STXBP5: variants seen among roughly 807,000 people sequenced by gnomAD.
STXBP5 encodes the protein syntaxin-binding protein 5.
STXBP5 carries 50 observed loss-of-function variants against 152.4 expected under a neutral mutation model. That is an observed-to-expected ratio of 0.33 (90% CI 0.26 to 0.42). The LOEUF is 0.42. Ranked by LOEUF, STXBP5 falls within the 10% of genes least tolerant of loss-of-function variation. The pLI, the probability that STXBP5 is intolerant of heterozygous loss-of-function variation, is 1.00. For synonymous variants in STXBP5, 492 were observed against 494.7 expected (o/e 0.99, Z 0.07); for missense variants, 1,167 against 1,388.6 (o/e 0.84, Z 2.54).
chr6:147,234,448 T>C (rs1462125818), intron 2 of STXBP5, among the ~76,000 whole-genome samples: 1 of 151,568 alleles, frequency 6.6e-6, no homozygotes, highest in Non-Finnish European at 1.5e-5. Flanking sequence ...AAAGCTTATT[T>C]ATATTCTATT....
Position 147,204,485 on chromosome 6 carries a change from A to G in STXBP5, c.-48A>G. Reference sequence around the variant, plus strand: ...CCCGGGTGGTCTCCCCCGCCCGGGGACCCCCTGTGCCTCCCCTCCCGGGCT... The same window carrying G: ...CCCGGGTGGTCTCCCCCGCCCGGGGGCCCCCTGTGCCTCCCCTCCCGGGCT... On this transcript the variant is annotated 5_prime_UTR_variant, in exon 1 of 28. Transcript: ENST00000321680. This position sits in a 1 kb window ranked among gnomAD's most constrained non-coding sequence, Gnocchi z 4.3. The G allele has an allele frequency of 6.3e-7, 1 of 1,593,688 alleles. No homozygotes were observed. Among genetic ancestry groups the G allele is most frequent in the East Asian group, 2.3e-5 (1 of 43,636 alleles).
intron 19 of STXBP5, among the ~76,000 whole-genome samples, chr6:147,338,104 A>G (rs951020143): frequency 6.6e-6 from 1 of 152,142 alleles, no homozygotes; most frequent in Non-Finnish European, 1.5e-5. Context: ...ACTTCCAATT[A>G]CATCGTAGGT....
intron 26 of STXBP5, among the ~76,000 whole-genome samples, chr6:147,377,456 T>G (rs556814327): frequency 6.6e-6 from 1 of 152,122 alleles, no homozygotes; most frequent in Non-Finnish European, 1.5e-5. Flanking sequence ...ATTGAAAAAT[T>G]AACAGAGCTG....
intron 21 of STXBP5, among the ~76,000 whole-genome samples, chr6:147,350,517 A>G (rs1230840578): frequency 1.3e-5 from 2 of 152,166 alleles, no homozygotes; most frequent in Non-Finnish European, 2.9e-5. Context: ...CTTATAAATC[A>G]CTGAAGTTAT....
chr6:147,339,251 G>C lies in STXBP5; in HGVS notation c.2206+13G>C, dbSNP rs149323956. 1,208 of 1,521,038 alleles carry C rather than the reference G, an allele frequency of 7.9e-4. 14 individuals are homozygous for C. In the African/African-American group the frequency reaches 0.015, roughly 19 times the overall value. The allele number at this position is 1,521,038 out of a possible 1,614,324, so 94.2% of individuals were successfully genotyped here. A position where few individuals can be genotyped will look rare whatever the true frequency, so the allele number is the denominator to read the frequency against. ...TTTATAGAAAAGGGTATAGTATCTT[G>C]ATTTTAAAGTATTTTCTTTTATGTT... On this transcript the variant is annotated intron_variant, in intron 20 of 27. Coordinates refer to ENST00000321680, the MANE Select transcript of STXBP5 (RefSeq NM_001127715.4).
chr6:147,248,983 A>G lies in STXBP5; in HGVS notation c.431+9713A>G, dbSNP rs189937193. On this transcript the variant is annotated intron_variant, in intron 4 of 27. Coordinates refer to ENST00000321680, the MANE Select transcript of STXBP5 (RefSeq NM_001127715.4). ...AGGAATACCAGTGGCCTCTAGGAGCATACCCCCTGACAGACAGCAGGGAGA... is the reference window on the plus strand; with the variant it reads ...AGGAATACCAGTGGCCTCTAGGAGCGTACCCCCTGACAGACAGCAGGGAGA... Among the ~76,000 whole-genome samples the G allele has an allele frequency of 2.5e-3, 377 of 152,288 alleles. 1 individual carries two copies. Among genetic ancestry groups the G allele is most frequent in the Admixed American group, 4.6e-3 (70 of 15,298 alleles).
chr6:147,340,502 G>T (rs1465441672), intron 21 of STXBP5, among the ~76,000 whole-genome samples: 1 of 151,786 alleles, frequency 6.6e-6, no homozygotes, highest in Non-Finnish European at 1.5e-5. Flanking sequence ...TAGCACTATG[G>T]CACAATAGTC....
intron 2 of STXBP5, among the ~76,000 whole-genome samples, chr6:147,219,372 C>G (rs191658042): frequency 7.9e-4 from 120 of 152,098 alleles, no homozygotes; most frequent in Middle Eastern, 3.4e-3. Context: ...AAGGATTGAT[C>G]TTAGTTTTCT....
intron 2 of STXBP5, among the ~76,000 whole-genome samples, chr6:147,224,951 G>T (rs1167142902): frequency 6.6e-6 from 1 of 152,094 alleles, no homozygotes; most frequent in Non-Finnish European, 1.5e-5. Context: ...GCCATTAAAA[G>T]TAAAAATCAT....
At chr6:147,362,139 A>G (rs558280176) in intron 23 of STXBP5, among the ~76,000 whole-genome samples, 2 of 152,280 alleles carry the variant, frequency 1.3e-5, no homozygotes, top group South Asian at 4.1e-4. Flanking sequence ...CTGAAATTCA[A>G]ATTGAAATAT....
Position 147,384,869 on chromosome 6 carries a change from T to C in STXBP5, c.*114T>C. 2 of 1,075,158 alleles carry C rather than the reference T, an allele frequency of 1.9e-6. No homozygotes were observed. The highest frequency in any genetic ancestry group is 2.8e-5 in the South Asian group (2 of 71,954). 66.6% of individuals were successfully genotyped at this position (1,075,158 alleles called of 1,614,324 possible). ...GATGTTCGTCACTGAATACTGTTCT[T>C]TCCTAGCACAGTCATGCACTGTTTT... On this transcript the variant is annotated 3_prime_UTR_variant, in exon 28 of 28. Transcript: ENST00000321680.
At chr6:147,260,831 T>C (rs1040348445) in intron 5 of STXBP5, 82 bp downstream of exon 5, 2 of 1,463,610 alleles carry the variant, frequency 1.4e-6, no homozygotes, top group African/African-American at 2.8e-5. Context: ...AATCAGTAAA[T>C]CTGTATGGAA....
intron 7 of STXBP5, among the ~76,000 whole-genome samples, chr6:147,272,718 C>T (rs1287512415): frequency 3.9e-5 from 6 of 152,120 alleles, no homozygotes; most frequent in Non-Finnish European, 8.8e-5. Flanking sequence ...TATTAAATGA[C>T]ATAACAATTT....
At chr6:147,283,820 C>T (rs532683698) in intron 8 of STXBP5, among the ~76,000 whole-genome samples, 7 of 152,234 alleles carry the variant, frequency 4.6e-5, no homozygotes, top group Non-Finnish European at 7.4e-5. Flanking sequence ...CAAGTCCAGC[C>T]GTAAATCAAC....
intron 18 of STXBP5, among the ~76,000 whole-genome samples, chr6:147,333,276 C>G (rs935573362): frequency 6.6e-6 from 1 of 152,104 alleles, no homozygotes; most frequent in Non-Finnish European, 1.5e-5. Flanking sequence ...AATCCCAGCA[C>G]TTTGGGAGGC....
At position 147,317,540 on chromosome 6, in the gene STXBP5, T is replaced by G. The variant is rs147841037; in HGVS notation, c.1802+1133T>G. The stretch of plus-strand genomic sequence containing the variant: ...AGAGGCCAGGGATAATGTTAAATAT[T>G]CTACAATGGACAAGGCAGTGCACAC... On this transcript the variant is annotated intron_variant, in intron 16 of 27. Transcript: ENST00000321680. Among the ~76,000 whole-genome samples, 420 of 152,164 alleles carry G rather than the reference T, an allele frequency of 2.8e-3. 1 individual carries two copies. The highest frequency in any genetic ancestry group is 9.5e-3 in the African/African-American group (394 of 41,520).
At chr6:147,350,056 G>T (rs534698386) in intron 21 of STXBP5, among the ~76,000 whole-genome samples, 95 of 152,118 alleles carry the variant, frequency 6.2e-4, no homozygotes, top group African/African-American at 2.3e-3. Flanking sequence ...ATAATAAATT[G>T]ACTATATTAA....
intron 23 of STXBP5, among the ~76,000 whole-genome samples, chr6:147,360,829 C>T (rs1785032143): frequency 6.6e-6 from 1 of 152,104 alleles, no homozygotes; most frequent in Admixed American, 6.5e-5. Flanking sequence ...TCTGTTACTA[C>T]TCATTTATGC....
intron 8 of STXBP5, among the ~76,000 whole-genome samples, chr6:147,289,230 C>CTGCCCCACTCA (rs1398042335): frequency 1.3e-5 from 2 of 152,216 alleles, no homozygotes; most frequent in Non-Finnish European, 2.9e-5. Flanking sequence ...GAGCCCTCTC[C>CTGCCCCACTCA]TGCCCCACTC....
Sources: allele counts gnomAD v4.1 joint callset (sites outside exome capture counted in the v4.1 genomes callset), GRCh38; gene constraint gnomAD v4.1.1; non-coding constraint Gnocchi (gnomAD v3.1); transcripts MANE v1.5; gene names NCBI Gene and HGNC (gene_info 2026-07-23, HGNC 2026-07-21).